The following RAB38 variants were observed in gnomAD, a reference collection of about 807,000 sequenced individuals.
RAB38 encodes the protein ras-related protein Rab-38.
In RAB38, 15 loss-of-function variants were observed where a neutral mutation model predicts 18.4. That is an observed-to-expected ratio of 0.82 (90% CI 0.55 to 1.26). The LOEUF is 1.26. RAB38 is among the 50% of genes most tolerant of loss of function. RAB38 has a pLI of 0.00. For missense variants in RAB38, 294 were observed against 267.4 expected, an observed-to-expected ratio of 1.10 and a Z score of -0.69; for synonymous variants, 101 against 104.4, an observed-to-expected ratio of 0.97 and a Z score of 0.20.
At chr11:87,880,252 A>G in the RAB38 span, among the ~76,000 whole-genome samples, 1 of 151,776 alleles carries the variant, frequency 6.6e-6, no homozygotes, top group Non-Finnish European at 1.5e-5. Context: ...CAAAATGACT[A>G]TGTTTTGTAG....
chr11:87,977,422 T>C, the RAB38 span, among the ~76,000 whole-genome samples: 3 of 95,620 alleles, frequency 3.1e-5, no homozygotes, highest in East Asian at 9.0e-4. Context: ...AATATAATTA[T>C]ATTATAAAAC....
the RAB38 span, among the ~76,000 whole-genome samples, chr11:87,918,929 TA>T: frequency 0.98 from 144,954 of 148,468 alleles, 70,846 homozygotes; most frequent in South Asian, 1. Context: ...TGGGTCACAG[TA>T]AAAAAAAAAA....
At chr11:88,023,991 A>AC in the RAB38 span, among the ~76,000 whole-genome samples, 4 of 152,136 alleles carry the variant, frequency 2.6e-5, no homozygotes, top group Non-Finnish European at 5.9e-5. Flanking sequence ...CTGGGCAAAA[A>AC]TTTCTTGAGC....
chr11:87,828,239 T>G, the RAB38 span, among the ~76,000 whole-genome samples: 1 of 152,218 alleles, frequency 6.6e-6, no homozygotes, highest in Non-Finnish European at 1.5e-5. Flanking sequence ...TCAAATAATT[T>G]TTAAAACTAT....
chr11:88,053,163 C>T, the RAB38 span, among the ~76,000 whole-genome samples: 1 of 57,674 alleles, frequency 1.7e-5, no homozygotes, highest in Non-Finnish European at 3.7e-5. Flanking sequence ...TATATATACA[C>T]ACATATATAT....
At chr11:88,107,046 T>C in the RAB38 span, among the ~76,000 whole-genome samples, 1 of 152,314 alleles carries the variant, frequency 6.6e-6, no homozygotes, top group South Asian at 2.1e-4. Flanking sequence ...CACACCATCG[T>C]TAAGCTAAAG....
the RAB38 span, among the ~76,000 whole-genome samples, chr11:87,915,269 G>C: frequency 6.6e-6 from 1 of 152,084 alleles, no homozygotes; most frequent in Non-Finnish European, 1.5e-5. Context: ...GACCTACTGG[G>C]TTACATTCCT....
the RAB38 span, among the ~76,000 whole-genome samples, chr11:88,069,864 C>T: frequency 1.3e-5 from 2 of 151,816 alleles, no homozygotes; most frequent in African/African-American, 4.8e-5. Flanking sequence ...ACTTATACCT[C>T]TAGCTAGAGG....
At chr11:87,924,327 G>T in the RAB38 span, among the ~76,000 whole-genome samples, 1 of 151,960 alleles carries the variant, frequency 6.6e-6, no homozygotes, top group African/African-American at 2.4e-5. Flanking sequence ...CACTTTACAA[G>T]CACAGGATAC....
At chr11:87,938,569 A>G in the RAB38 span, among the ~76,000 whole-genome samples, 9 of 129,844 alleles carry the variant, frequency 6.9e-5, no homozygotes, top group Admixed American at 6.3e-4. Context: ...TAGAGGGGTT[A>G]TTGTTTGAAA....
the RAB38 span, among the ~76,000 whole-genome samples, chr11:87,976,272 G>A: frequency 0.012 from 1,733 of 140,306 alleles, 40 homozygotes; most frequent in African/African-American, 0.041. Context: ...AAGAGAAGGT[G>A]TGTGTATATA....
At chr11:87,875,388 T>C in the RAB38 span, among the ~76,000 whole-genome samples, 1 of 151,408 alleles carries the variant, frequency 6.6e-6, no homozygotes, top group Non-Finnish European at 1.5e-5. Context: ...CCAAACACCA[T>C]TTATTGAAAA....
Position 88,127,228 on chromosome 11 carries a change from A to G in RAB38, c.484-13088T>C, listed in dbSNP as rs546468354. 9.2e-5 allele frequency among the ~76,000 whole-genome samples: 14 copies of G among 152,316 alleles called. No individual in the cohort carries two copies. The South Asian group carries it at 2.1e-3, about 23-fold the overall frequency. ...AAGCAGTTTCTCATTCTGGGCTGGA[A>G]TGCATGAGGGGAACTAAAGCACCAT... On this transcript the variant is annotated intron_variant, in intron 2 of 2. Transcript: ENST00000243662.
At chr11:87,814,081 C>G in the RAB38 span, among the ~76,000 whole-genome samples, 1 of 152,106 alleles carries the variant, frequency 6.6e-6, no homozygotes, top group African/African-American at 2.4e-5. Flanking sequence ...GCAGACCCAT[C>G]TAGACATTTT....
chr11:87,889,129 C>T, the RAB38 span, among the ~76,000 whole-genome samples: 2,773 of 151,824 alleles, frequency 0.018, 30 homozygotes, highest in Middle Eastern at 0.034. Flanking sequence ...TGTTTTTCTC[C>T]AAATGGAAGA....
At chr11:87,949,665 A>G in the RAB38 span, among the ~76,000 whole-genome samples, 1 of 152,174 alleles carries the variant, frequency 6.6e-6, no homozygotes, top group Non-Finnish European at 1.5e-5. Context: ...ATCATTCAGG[A>G]GCAGGTTGTT....
the RAB38 span, among the ~76,000 whole-genome samples, chr11:87,810,207 C>G: frequency 6.6e-6 from 1 of 152,108 alleles, no homozygotes; most frequent in Non-Finnish European, 1.5e-5. Flanking sequence ...CAGACACCTA[C>G]TGTCACTCTT....
the RAB38 span, among the ~76,000 whole-genome samples, chr11:87,976,328 T>G: frequency 7.0e-6 from 1 of 142,634 alleles, no homozygotes; most frequent in Admixed American, 7.3e-5. Context: ...CAGAGTTTTT[T>G]ATATGTAGGT....
At chr11:88,013,960 C>T in the RAB38 span, among the ~76,000 whole-genome samples, 1 of 152,106 alleles carries the variant, frequency 6.6e-6, no homozygotes, top group East Asian at 1.9e-4. Flanking sequence ...AGCAGCAGCA[C>T]TAGTGGTAAA....
Sources: gnomAD v4.1 joint callset for allele counts (sites outside exome capture counted in the v4.1 genomes callset) on GRCh38, gnomAD v4.1.1 for gene constraint, MANE v1.5 for transcripts, NCBI Gene and HGNC (gene_info 2026-07-23, HGNC 2026-07-21) for gene names.